Variants in PKP1 observed in about 807,000 individuals in gnomAD.
PKP1 encodes the protein plakophilin 1.
Under a neutral mutation model 76.4 loss-of-function variants are expected in PKP1, and 27 were observed. That is an observed-to-expected ratio of 0.35 (90% CI 0.26 to 0.49). The LOEUF (loss-of-function observed/expected upper bound fraction) is 0.49. PKP1 is among the 20% of genes least tolerant of loss of function. The pLI is 0.99. For missense variants in PKP1, 964 were observed against 955.2 expected, an observed-to-expected ratio of 1.01 and a Z score of -0.12; for synonymous variants, 404 against 384.2, an observed-to-expected ratio of 1.05 and a Z score of -0.60.
In PKP1 at chr1:201,324,378, G is replaced by A. The variant is rs991039825; in HGVS notation, c.1681-50G>A. ...CTCCTTGCCCCTTTCTGCCTGCCAT[G>A]GTGCCTGGGAAGCCACAGGCTAGCT... On this transcript the variant is annotated intron_variant, in intron 9 of 13. Transcript: ENST00000367324. 17 of 1,557,862 alleles carry A rather than the reference G, an allele frequency of 1.1e-5. No individual in the cohort carries two copies. In the Admixed American group the frequency reaches 1.5e-4, roughly 14 times the overall value.
intron 1 of PKP1, among the ~76,000 whole-genome samples, chr1:201,290,497 G>A (rs1018454036): frequency 9.2e-5 from 14 of 152,152 alleles, no homozygotes; most frequent in African/African-American, 3.1e-4. Flanking sequence ...CATTCCCCAG[G>A]AACTAAGAAT....
rs113836663 is a variant in PKP1, at chr1:201,317,433, C to T, written c.847-139C>T. On this transcript the variant is annotated intron_variant, in intron 4 of 13. Coordinates refer to ENST00000367324, the MANE Select transcript of PKP1 (RefSeq NM_001005337.3). ...GGTCAGTTATCATGACCTCACACTG[C>T]TTATTTATTTTGGTTGACTTGAATA... 1,415 of 767,570 alleles carry T rather than the reference C, an allele frequency of 1.8e-3. 16 individuals are homozygous for T. In the African/African-American group the frequency reaches 0.021, roughly 12 times the overall value. 47.5% of individuals were successfully genotyped at this position (767,570 alleles called of 1,614,324 possible).
Position 201,296,284 on chromosome 1 carries a change from G to A in PKP1, c.306+2239G>A, listed in dbSNP as rs146385579. Among the ~76,000 whole-genome samples, 335 of 152,292 alleles carry A rather than the reference G, an allele frequency of 2.2e-3. 3 individuals are homozygous for A. The highest frequency in any genetic ancestry group is 7.5e-3 in the African/African-American group (313 of 41,562). ...AGATGAAACCTGGGCAAAACCAAAC[G>A]AGGTCCAGACATAAGGAGAAGGAGA... On this transcript the variant is annotated intron_variant, in intron 2 of 13. Coordinates refer to ENST00000367324, the MANE Select transcript of PKP1 (RefSeq NM_001005337.3).
At position 201,328,881 on chromosome 1, in the gene PKP1, C is replaced by G. The variant is rs748104844; in HGVS notation, c.*32+13C>G. 1 of 1,495,944 alleles carries G rather than the reference C, an allele frequency of 6.7e-7. No homozygotes were observed. Among genetic ancestry groups the G allele is most frequent in the South Asian group, 1.1e-5 (1 of 88,724 alleles). 92.7% of individuals were successfully genotyped at this position (1,495,944 alleles called of 1,614,324 possible). ...GTTAGGCTTGCAGGTAAGAATCACC[C>G]CACCCTCAGGGATGCCTCTGGGACC... On this transcript the variant is annotated intron_variant, in intron 13 of 13. Coordinates refer to ENST00000367324, the MANE Select transcript of PKP1 (RefSeq NM_001005337.3).
At chr1:201,291,997 G>A (rs547107481) in intron 1 of PKP1, among the ~76,000 whole-genome samples, 1 of 152,322 alleles carries the variant, frequency 6.6e-6, no homozygotes, top group East Asian at 1.9e-4. Context: ...CACTCTACAG[G>A]GAGCTTGGAG....
intron 9 of PKP1, among the ~76,000 whole-genome samples, chr1:201,323,716 C>T (rs1543806): frequency 0.62 from 94,393 of 151,972 alleles, 30,316 homozygotes; most frequent in East Asian, 0.76. Context: ...AGGCGGCCAA[C>T]TGTTCTTCAG....
At chr1:201,318,203 G>A (rs1656822955) in intron 5 of PKP1, among the ~76,000 whole-genome samples, 1 of 152,190 alleles carries the variant, frequency 6.6e-6, no homozygotes, top group African/African-American at 2.4e-5. Context: ...AGGTCACCGT[G>A]AAGACCTAGA....
chr1:201,292,845 G>A (rs1461838322), intron 1 of PKP1, among the ~76,000 whole-genome samples: 3 of 152,206 alleles, frequency 2.0e-5, no homozygotes, highest in Non-Finnish European at 4.4e-5. Flanking sequence ...GCCAGGCCAC[G>A]GAGCCATGGC....
chr1:201,284,042 C>T (rs1007308744), intron 1 of PKP1, 138 bp downstream of exon 1: 1 of 808,092 alleles, frequency 1.2e-6, no homozygotes, highest in Non-Finnish European at 2.1e-6. Context: ...GTCTACGCAC[C>T]TAGTGCGAGC....
At chr1:201,304,248 A>G (rs1205791644) in intron 2 of PKP1, among the ~76,000 whole-genome samples, 1 of 152,190 alleles carries the variant, frequency 6.6e-6, no homozygotes, top group African/African-American at 2.4e-5. Context: ...AAGCTCAGCA[A>G]GACTGAACTA....
rs886045807 is a variant in PKP1 at position 201,283,607 on chromosome 1, G to A, written c.-96G>A. ...ATGGCCGTAGGGAGCCGCTGAGAGC[G>A]AGAAGAGCACGCTCCTGCCCGCCCG... On this transcript the variant is annotated 5_prime_UTR_variant, in exon 1 of 14. Coordinates refer to ENST00000367324, the MANE Select transcript of PKP1 (RefSeq NM_001005337.3). 47 of 1,092,352 alleles carry A rather than the reference G, an allele frequency of 4.3e-5. No homozygotes were observed. The highest frequency in any genetic ancestry group is 2.6e-4 in the Middle Eastern group (1 of 3,794). 67.7% of individuals were successfully genotyped at this position (1,092,352 alleles called of 1,614,324 possible).
chr1:201,298,321 G>T (rs1400885654), intron 2 of PKP1, among the ~76,000 whole-genome samples: 1 of 152,166 alleles, frequency 6.6e-6, no homozygotes, highest in Non-Finnish European at 1.5e-5. Context: ...TTGATCACAT[G>T]GGTTTGTCCT....
intron 2 of PKP1, among the ~76,000 whole-genome samples, chr1:201,307,569 C>G (rs1656409091): frequency 6.6e-6 from 1 of 152,160 alleles, no homozygotes; most frequent in South Asian, 2.1e-4. Context: ...CTCCAAACCC[C>G]TAGAGAGGGT....
rs777156700 is a variant in PKP1, at chr1:201,319,856, C to T, written c.1233-411C>T. The T allele has an allele frequency of 5.6e-6, 9 of 1,614,080 alleles. No individual in the cohort carries two copies. In the South Asian group the frequency reaches 8.8e-5, roughly 16 times the overall value. On this transcript the variant is annotated intron_variant, in intron 6 of 13. Coordinates refer to ENST00000367324, the MANE Select transcript of PKP1 (RefSeq NM_001005337.3). ...GCGGGAGCTTCTGGCTCTTGTTCCG[C>T]AAAGGGCCACTAGTAGCAGGGTGTG... is the stretch of plus-strand genomic sequence containing the variant.
At chr1:201,318,595 G>T (rs751222898) in intron 5 of PKP1, 23 bp from the exon 6 acceptor site, 19 of 1,611,170 alleles carry the variant, frequency 1.2e-5, no homozygotes, top group Non-Finnish European at 1.5e-5. Flanking sequence ...GCACAAATTG[G>T]GTTGATGGTC....
intron 6 of PKP1, among the ~76,000 whole-genome samples, chr1:201,319,224 T>A (rs1656862240): frequency 6.6e-6 from 1 of 152,208 alleles, no homozygotes; most frequent in Non-Finnish European, 1.5e-5. Flanking sequence ...TTCATTGGCA[T>A]GAAGATGGCA....
Position 201,325,783 on chromosome 1 carries a change from G to A in PKP1, c.2051G>A (p.Arg684Gln), listed in dbSNP as rs573352897. 32 of 1,613,898 alleles carry A rather than the reference G, an allele frequency of 2.0e-5. No individual in the cohort carries two copies. The highest frequency in any genetic ancestry group is 6.7e-5 in the Admixed American group (4 of 60,010). Residue 684 changes from arginine (R) to glutamine (Q), a missense_variant, in exon 12 of 14, where the codon CGG (arginine) becomes CAG (glutamine). Transcript: ENST00000367324. ...TCACCCAAGGCCGCAGAAGCTGCCCGGCTTCTCCTGTCTGACATGTGGTCC... is the reference window on the plus strand; with the variant it reads ...TCACCCAAGGCCGCAGAAGCTGCCCAGCTTCTCCTGTCTGACATGTGGTCC... ...SASPKAAEAARLLLSDMWSSK... is the reference protein window; with the variant it reads ...SASPKAAEAAQLLLSDMWSSK...
chr1:201,301,118 G>A (rs993617025), intron 2 of PKP1, among the ~76,000 whole-genome samples: 4 of 152,176 alleles, frequency 2.6e-5, no homozygotes, highest in African/African-American at 7.2e-5. Context: ...CTGCCCCAGG[G>A]AGGAGCACCA....
At chr1:201,299,413 A>G (rs1407232635) in intron 2 of PKP1, among the ~76,000 whole-genome samples, 3 of 152,142 alleles carry the variant, frequency 2.0e-5, no homozygotes, top group East Asian at 3.9e-4. Flanking sequence ...CTGGGCTGCT[A>G]CAAACTGAGG....
Sources: allele counts gnomAD v4.1 joint callset (sites outside exome capture counted in the v4.1 genomes callset), GRCh38; gene constraint gnomAD v4.1.1; transcripts MANE v1.5; gene names NCBI Gene and HGNC (gene_info 2026-07-23, HGNC 2026-07-21).